The following TECTA variants were observed in gnomAD, a reference collection of about 807,000 sequenced individuals.
TECTA encodes the protein alpha-tectorin.
A neutral mutation model predicts 216.8 loss-of-function variants in TECTA; 128 were observed. That is an observed-to-expected ratio of 0.59 (90% CI 0.51 to 0.68). The LOEUF (loss-of-function observed/expected upper bound fraction) is 0.68. Among genes scored for constraint, TECTA ranks in the 30% least tolerant of loss-of-function variants. TECTA has a pLI of 0.00. For missense variants in TECTA, 2,551 were observed against 2,786.2 expected (o/e 0.92, Z 1.90); for synonymous variants, 1,089 against 1,117.1 (o/e 0.97, Z 0.50).
rs141840400 is a variant in TECTA at position 121,128,900 on chromosome 11, G to A, written c.2367+556G>A. On this transcript the variant is annotated intron_variant, in intron 9 of 23. Coordinates refer to ENST00000392793, the MANE Select transcript of TECTA (RefSeq NM_005422.4). Reference sequence around the variant, plus strand: ...CCATCATTAGGCACCCAGACTTATAGATCCTTAGCTCTAGAAGGAATATTG... The same window carrying A: ...CCATCATTAGGCACCCAGACTTATAAATCCTTAGCTCTAGAAGGAATATTG... Among the ~76,000 whole-genome samples, 73 of 152,314 alleles carry A rather than the reference G, an allele frequency of 4.8e-4. No homozygotes were observed. In the East Asian group the frequency reaches 9.6e-3, roughly 20 times the overall value.
chr11:121,129,769 G>T lies in TECTA; in HGVS notation c.2499G>T (p.Leu833Phe), dbSNP rs1946652419. 3 of 1,614,206 alleles carry T rather than the reference G, an allele frequency of 1.9e-6. No homozygotes were observed. The South Asian group carries it at 3.3e-5, about 18-fold the overall frequency. Residue 833 changes from leucine (L) to phenylalanine (F), a missense_variant, in exon 10 of 24, where the codon TTG (leucine) becomes TTT (phenylalanine). Leu to Phe is a conservative substitution (Grantham distance 22). Transcript: ENST00000392793. ...TCCAGTACTCAGACATAGGTCTATTGTACATCCGGCTGTCCACCACATACT... is the reference window on the plus strand; with the variant it reads ...TCCAGTACTCAGACATAGGTCTATTTTACATCCGGCTGTCCACCACATACT... ...VTVQYSDIGL[L>F]YIRLSTTYFN...
At chr11:121,133,144 A>T (rs1388441940) in intron 10 of TECTA, among the ~76,000 whole-genome samples, 3 of 152,216 alleles carry the variant, frequency 2.0e-5, no homozygotes, top group Non-Finnish European at 4.4e-5. Context: ...TCAAAACTAC[A>T]TAAGAGAACA....
At chr11:121,109,836 G>A (rs1274301383) in intron 4 of TECTA, 1 of 345,170 alleles carries the variant, frequency 2.9e-6, no homozygotes. Context: ...CACATGCTTA[G>A]GGACCCATCT....
At chr11:121,178,517 A>AGTATGT (rs1555130700) in intron 20 of TECTA, among the ~76,000 whole-genome samples, 1 of 127,210 alleles carries the variant, frequency 7.9e-6, no homozygotes, top group Non-Finnish European at 1.7e-5. Flanking sequence ...GCTTGTAGTT[A>AGTATGT]GTGTGTGTGT....
intron 11 of TECTA, among the ~76,000 whole-genome samples, chr11:121,145,344 G>A (rs1399541260): frequency 2.0e-5 from 3 of 152,182 alleles, no homozygotes; most frequent in Admixed American, 6.5e-5. Context: ...GAAATAAATA[G>A]GTATATTAGT....
Position 121,162,331 on chromosome 11 carries a change from G to A in TECTA, c.5233G>A (p.Gly1745Arg), listed in dbSNP as rs201488025. 6.2e-6 allele frequency: 10 copies of A among 1,613,636 alleles called. No individual in the cohort carries two copies. The highest frequency in any genetic ancestry group is 3.3e-5 in the Admixed American group (2 of 60,028). Residue 1745 changes from glycine to arginine, a missense_variant, in exon 16 of 24, where the codon GGG (glycine) becomes AGG (arginine). Physicochemically the swap from Gly to Arg is moderately radical, Grantham distance 125 (BLOSUM62 -2). Around this residue, in one of 3 missense-constraint regions of TECTA, gnomAD observed 2,375 missense variants for 2,563.9 expected, o/e 0.93. Coordinates refer to ENST00000392793, the MANE Select transcript of TECTA (RefSeq NM_005422.4). ...CTACGGGGAGGCCTGCCGCTCCTTC[G>A]GGATCCTTAGCACCGAGTGGATTGA... ...AAYGEACRSF[G>R]ILSTEWIEKE... is the part of the protein sequence containing the mutation.
At chr11:121,172,184 T>A (rs1247241628) in intron 20 of TECTA, among the ~76,000 whole-genome samples, 5 of 152,280 alleles carry the variant, frequency 3.3e-5, no homozygotes, top group Admixed American at 2.0e-4. Flanking sequence ...ATTCTTTTTT[T>A]ATTTTATTTT....
At chr11:121,106,059 G>A (rs1946387385) in intron 3 of TECTA, 95 bp downstream of exon 3, 2 of 1,594,976 alleles carry the variant, frequency 1.3e-6, no homozygotes, top group Non-Finnish European at 1.7e-6. Context: ...AGAGCTCTGG[G>A]AAGGGAGGAT....
At chr11:121,152,485 A>C (rs2135114375) in intron 12 of TECTA, among the ~76,000 whole-genome samples, 1 of 152,312 alleles carries the variant, frequency 6.6e-6, no homozygotes, top group Non-Finnish European at 1.5e-5. Context: ...GGGCATGAAT[A>C]AGAAAGATCA....
At chr11:121,103,108 A>G (rs1443147390) in intron 2 of TECTA, among the ~76,000 whole-genome samples, 2 of 152,204 alleles carry the variant, frequency 1.3e-5, no homozygotes, top group African/African-American at 4.8e-5. Context: ...TAAAGAATCT[A>G]CTTATTTCGG....
Position 121,162,379 on chromosome 11 carries a change from A to G in TECTA, c.5272+9A>G. The G allele has an allele frequency of 6.2e-7, 1 of 1,611,508 alleles. No individual in the cohort carries two copies. Among genetic ancestry groups the G allele is most frequent in the Non-Finnish European group, 8.5e-7 (1 of 1,179,948 alleles). The stretch of plus-strand genomic sequence containing the variant: ...TGAGAAGGAGAATTGCTGTAAGAGA[A>G]TTATTTTATTTCTGTGAATTCCATT... On this transcript the variant is annotated intron_variant, in intron 16 of 23. Transcript: ENST00000392793.
chr11:121,103,316 AAAGACG>A (rs1406481609), intron 2 of TECTA, among the ~76,000 whole-genome samples: 2 of 152,200 alleles, frequency 1.3e-5, no homozygotes, highest in Non-Finnish European at 2.9e-5. Context: ...GATTTTAGAC[AAAGACG>A]GGGCGGTCTA....
intron 20 of TECTA, 59 bp downstream of exon 20, chr11:121,168,984 C>G: frequency 2.5e-6 from 4 of 1,612,480 alleles, no homozygotes; most frequent in Non-Finnish European, 2.5e-6. Context: ...TTGTCCTCAT[C>G]ATTTTTTAAG....
intron 4 of TECTA, chr11:121,110,655 T>G (rs1268910722): frequency 1.3e-5 from 2 of 152,234 alleles, no homozygotes; most frequent in Admixed American, 6.5e-5. Flanking sequence ...TTATGTCCTT[T>G]AAGCCTCATA....
Position 121,158,010 on chromosome 11 carries a change from GCGGCGTCTTCCGCACCTTCGA to G in TECTA, c.4481_4501del (p.Val1494_Gly1500del). 3 of 1,612,728 alleles carry G rather than the reference GCGGCGTCTTCCGCACCTTCGA, an allele frequency of 1.9e-6. No individual in the cohort carries two copies. Among genetic ancestry groups the G allele is most frequent in the South Asian group, 1.1e-5 (1 of 91,062 alleles). On this transcript the variant is annotated inframe_deletion, in exon 14 of 24. Transcript: ENST00000392793. ...ACCTCCTACTGCCTGGCGGCCGGCGGCGGCGTCTTCCGCACCTTCGACGGCGCCTTCCTGCGCTTCCCAGCC... is the reference window on the plus strand; with the variant it reads ...ACCTCCTACTGCCTGGCGGCCGGCGGCGGCGCCTTCCTGCGCTTCCCAGCC...
At chr11:121,138,208 G>GAA (rs1946750896) in intron 11 of TECTA, among the ~76,000 whole-genome samples, 186 bp downstream of exon 11, 1 of 152,138 alleles carries the variant, frequency 6.6e-6, no homozygotes, top group African/African-American at 2.4e-5. Context: ...GAGGCTCAGA[G>GAA]AAAAAAATGA....
chr11:121,109,284 A>G lies in TECTA; in HGVS notation c.272A>G (p.Asp91Gly), dbSNP rs763442524. 6.2e-7 allele frequency: 1 copy of G among 1,614,054 alleles called. No individual in the cohort carries two copies. The highest frequency in any genetic ancestry group is 8.5e-7 in the Non-Finnish European group (1 of 1,180,030). Reference sequence around the variant, plus strand: ...ACGCCAGAATCCTTTCCCCTGACAGATGGGAGAGCCTTCGTCGCCCCATTT... The same window carrying G: ...ACGCCAGAATCCTTTCCCCTGACAGGTGGGAGAGCCTTCGTCGCCCCATTT... Reference protein sequence around the residue: ...QFTPESFPLTDGRAFVAPFWA... With the variant: ...QFTPESFPLTGGRAFVAPFWA... The change falls in exon 4 of 24, where the codon GAT (aspartate) becomes GGT (glycine). Residue 91 changes from aspartate to glycine, a missense_variant. By Grantham distance (94) the Asp-to-Gly change is moderately conservative (BLOSUM62 -1). Around this residue, in one of 3 missense-constraint regions of TECTA, gnomAD observed 2,375 missense variants for 2,563.9 expected, o/e 0.93. Coordinates refer to ENST00000392793, the MANE Select transcript of TECTA (RefSeq NM_005422.4).
At chr11:121,129,569 C>T (rs1946649764) in intron 9 of TECTA, 69 bp from the exon 10 acceptor site, 4 of 1,528,862 alleles carry the variant, frequency 2.6e-6, no homozygotes, top group African/African-American at 2.7e-5. Context: ...GTGTCTTTAT[C>T]CCACAGCCTA....
At chr11:121,152,708 G>C (rs1362644978) in intron 12 of TECTA, among the ~76,000 whole-genome samples, 173 bp from the exon 13 acceptor site, 1 of 152,178 alleles carries the variant, frequency 6.6e-6, no homozygotes, top group African/African-American at 2.4e-5. Flanking sequence ...GAACGAATCA[G>C]ACCCAGGCTT....
Sources: gnomAD v4.1 joint callset for allele counts (sites outside exome capture counted in the v4.1 genomes callset) on GRCh38, gnomAD v4.1.1 for gene constraint, gnomAD v4.1.1 regional missense constraint, MANE v1.5 for transcripts, NCBI Gene and HGNC (gene_info 2026-07-23, HGNC 2026-07-21) for gene names.